CCDC83: variants seen among roughly 807,000 people sequenced by gnomAD.
CCDC83 encodes the protein coiled-coil domain-containing protein 83.
CCDC83 carries 54 observed loss-of-function variants against 50.1 expected under a neutral mutation model. That is an observed-to-expected ratio of 1.08 (90% CI 0.87 to 1.35). CCDC83 has a LOEUF of 1.35. CCDC83 is among the 40% of genes most tolerant of loss of function. The pLI, the probability that CCDC83 is intolerant of heterozygous loss-of-function variation, is 0.00. For missense variants in CCDC83, 518 were observed against 473.9 expected (o/e 1.09, Z -0.86); for synonymous variants, 161 against 153.3 (o/e 1.05, Z -0.37).
intron 8 of CCDC83, chr11:85,912,655 A>T: frequency 6.3e-7 from 1 of 1,595,720 alleles, no homozygotes; most frequent in Non-Finnish European, 8.6e-7. Flanking sequence ...TCAGGTATCC[A>T]GTGCTACATT....
At chr11:85,899,369 T>C (rs1020767984) in intron 7 of CCDC83, among the ~76,000 whole-genome samples, 2 of 152,206 alleles carry the variant, frequency 1.3e-5, no homozygotes, top group African/African-American at 4.8e-5. Flanking sequence ...GGTTAAATTG[T>C]CTCTTTTGAA....
chr11:85,873,982 A>G (rs1309760811), intron 3 of CCDC83, among the ~76,000 whole-genome samples: 1 of 152,224 alleles, frequency 6.6e-6, no homozygotes, highest in African/African-American at 2.4e-5. Flanking sequence ...TCTGTCTAAA[A>G]AGAATATATC....
intron 10 of CCDC83, among the ~76,000 whole-genome samples, chr11:85,917,345 C>T (rs1203912165): frequency 6.6e-6 from 1 of 152,130 alleles, no homozygotes; most frequent in Non-Finnish European, 1.5e-5. Context: ...GGAAATCATA[C>T]ATTGTCACTT....
chr11:85,880,742 G>C (rs2093295157), intron 3 of CCDC83, among the ~76,000 whole-genome samples: 1 of 151,708 alleles, frequency 6.6e-6, no homozygotes, highest in African/African-American at 2.4e-5. Context: ...CTTCTAGCTA[G>C]CATGGTTTCT....
chr11:85,867,152 C>T (rs1481812110), intron 2 of CCDC83, among the ~76,000 whole-genome samples: 1 of 152,052 alleles, frequency 6.6e-6, no homozygotes, highest in East Asian at 1.9e-4. Context: ...AACTCCTGGG[C>T]TCAAGTGTTC....
chr11:85,903,985 T>A (rs906729451), intron 7 of CCDC83, among the ~76,000 whole-genome samples: 16 of 151,236 alleles, frequency 1.1e-4, no homozygotes, highest in Admixed American at 3.3e-4. Context: ...AAATTAAATT[T>A]AAAAAATTAA....
At chr11:85,862,630 T>G (rs1341613332) in intron 1 of CCDC83, among the ~76,000 whole-genome samples, 1 of 152,212 alleles carries the variant, frequency 6.6e-6, no homozygotes, top group East Asian at 1.9e-4. Context: ...TCAGATATTC[T>G]AAGTGTAACC....
intron 5 of CCDC83, among the ~76,000 whole-genome samples, chr11:85,886,784 A>G (rs1273496531): frequency 6.6e-6 from 1 of 152,190 alleles, no homozygotes; most frequent in Non-Finnish European, 1.5e-5. Flanking sequence ...ATGGTGGCTC[A>G]TGCCTGTAGC....
chr11:85,917,153 AGAGAGAGAG>A, intron 10 of CCDC83, among the ~76,000 whole-genome samples: 3 of 99,316 alleles, frequency 3.0e-5, no homozygotes, highest in Admixed American at 2.1e-4. Flanking sequence ...AGAGAGAGAG[AGAGAGAGAG>A]AGAGAGAAAG....
intron 1 of CCDC83, among the ~76,000 whole-genome samples, chr11:85,862,220 AT>A (rs1200639214): frequency 6.6e-6 from 1 of 152,098 alleles, no homozygotes; most frequent in African/African-American, 2.4e-5. Context: ...TTTGGGAAAT[AT>A]TTATTGCAAG....
At chr11:85,883,968 T>C (rs2093314319) in intron 4 of CCDC83, among the ~76,000 whole-genome samples, 1 of 152,206 alleles carries the variant, frequency 6.6e-6, no homozygotes, top group Admixed American at 6.5e-5. Context: ...ATAGTATATT[T>C]TGCATGACTT....
intron 7 of CCDC83, among the ~76,000 whole-genome samples, chr11:85,900,528 A>C (rs539776336): frequency 9.9e-5 from 15 of 152,278 alleles, no homozygotes; most frequent in African/African-American, 3.1e-4. Flanking sequence ...TTCAGAGGAA[A>C]AATTTGGTAT....
chr11:85,876,062 C>T (rs2093267621), intron 3 of CCDC83, among the ~76,000 whole-genome samples: 1 of 152,200 alleles, frequency 6.6e-6, no homozygotes, highest in African/African-American at 2.4e-5. Context: ...CTTCCTTTAT[C>T]TTAAAACCCT....
At chr11:85,915,985 G>T (rs1276592161) in intron 9 of CCDC83, 43 bp from the exon 10 acceptor site, 9 of 1,324,514 alleles carry the variant, frequency 6.8e-6, no homozygotes, top group Non-Finnish European at 8.6e-6. Context: ...ATTTGTATAT[G>T]TTCAAAATGT....
intron 5 of CCDC83, among the ~76,000 whole-genome samples, chr11:85,892,511 G>C (rs534356454): frequency 3.9e-5 from 6 of 152,130 alleles, no homozygotes; most frequent in African/African-American, 1.4e-4. Context: ...TGTGAATATT[G>C]CTTTTTCAGT....
At chr11:85,882,136 A>AAAT (rs564100733) in intron 3 of CCDC83, among the ~76,000 whole-genome samples, 7 of 129,818 alleles carry the variant, frequency 5.4e-5, no homozygotes, top group East Asian at 4.0e-4. Flanking sequence ...AAAAAAACAA[A>AAAT]AATAATAATA....
chr11:85,905,696 G>A (rs1056343315), intron 7 of CCDC83, among the ~76,000 whole-genome samples: 9 of 151,700 alleles, frequency 5.9e-5, no homozygotes, highest in African/African-American at 1.5e-4. Context: ...AGGGCCAGGC[G>A]CAGTGGCTCA....
intron 1 of CCDC83, among the ~76,000 whole-genome samples, chr11:85,860,137 CAAAT>C (rs531965170): frequency 0.015 from 2,317 of 151,356 alleles, 54 homozygotes; most frequent in African/African-American, 0.054. Flanking sequence ...AAATACAAAA[CAAAT>C]AAATAAATAA....
chr11:85,915,331 C>T, intron 8 of CCDC83, 88 bp from the exon 9 acceptor site: 1 of 914,542 alleles, frequency 1.1e-6, no homozygotes, highest in Non-Finnish European at 1.7e-6. Context: ...CTATGCATTT[C>T]TAGCACCTAG....
Sources: allele counts gnomAD v4.1 joint callset (sites outside exome capture counted in the v4.1 genomes callset), GRCh38; gene constraint gnomAD v4.1.1; transcripts MANE v1.5; gene names NCBI Gene and HGNC (gene_info 2026-07-23, HGNC 2026-07-21).